NRXN3: variants seen among roughly 807,000 people sequenced by gnomAD.
NRXN3 encodes neurexin III.
NRXN3 carries 32 observed loss-of-function variants against 137.6 expected under a neutral mutation model. That is an observed-to-expected ratio of 0.23 (90% confidence interval 0.18 to 0.31). The LOEUF is 0.31. Ranked by LOEUF, NRXN3 falls within the 10% of genes least tolerant of loss-of-function variation. The probability of loss-of-function intolerance (pLI) is 1.00; values close to 1 mark genes in which losing one functional copy is unlikely to be tolerated. For synonymous variants in NRXN3, 798 were observed against 784.5 expected (o/e 1.02, Z -0.29); for missense variants, 1,574 against 2,062.5 (o/e 0.76, Z 4.59).
intron 15 of NRXN3, among the ~76,000 whole-genome samples, chr14:79,157,152 A>G (rs574394385): frequency 2.0e-5 from 3 of 151,776 alleles, no homozygotes; most frequent in Non-Finnish European, 4.4e-5. Context: ...CTGCTTAGAG[A>G]CAGGACATGC....
chr14:78,434,316 G>A (rs2093990126), intron 4 of NRXN3, among the ~76,000 whole-genome samples: 2 of 152,092 alleles, frequency 1.3e-5, no homozygotes, highest in Non-Finnish European at 2.9e-5. Context: ...TCTGTTCCAG[G>A]CCTCTCTTTG....
At chr14:78,324,388 A>G (rs1332703215) in intron 4 of NRXN3, among the ~76,000 whole-genome samples, 9 of 152,092 alleles carry the variant, frequency 5.9e-5, no homozygotes, top group Admixed American at 5.9e-4. Context: ...TGTTCTACCC[A>G]TGATCTGTTA....
chr14:78,737,200 C>T (rs905708827), intron 8 of NRXN3, among the ~76,000 whole-genome samples: 1 of 152,182 alleles, frequency 6.6e-6, no homozygotes, highest in African/African-American at 2.4e-5. Flanking sequence ...GATTAAGACA[C>T]ATACAAACAA....
intron 15 of NRXN3, among the ~76,000 whole-genome samples, chr14:79,059,414 C>A (rs1469460062): frequency 1.3e-5 from 2 of 152,012 alleles, no homozygotes; most frequent in Admixed American, 6.6e-5. Flanking sequence ...CCCGCCACCA[C>A]ACCCAGCTAA....
chr14:78,824,100 C>A (rs1174337683), intron 10 of NRXN3, among the ~76,000 whole-genome samples: 1 of 60,424 alleles, frequency 1.7e-5, no homozygotes, highest in Admixed American at 2.7e-4. Context: ...GGGTCACCTG[C>A]TTCTTTTTTT....
intron 15 of NRXN3, among the ~76,000 whole-genome samples, chr14:79,063,918 C>A (rs776433322): frequency 1.4e-4 from 21 of 151,990 alleles, no homozygotes; most frequent in Admixed American, 3.3e-4. Flanking sequence ...TGCATATGAT[C>A]TTTTTATCTT....
chr14:79,462,116 G>A (rs1333783951), intron 15 of NRXN3, among the ~76,000 whole-genome samples: 1 of 152,168 alleles, frequency 6.6e-6, no homozygotes, highest in Non-Finnish European at 1.5e-5. Context: ...GCTCATGCCT[G>A]TAATCCCAGC....
At chr14:79,473,052 A>T (rs751203127) in intron 16 of NRXN3, among the ~76,000 whole-genome samples, 31 of 152,256 alleles carry the variant, frequency 2.0e-4, no homozygotes, top group Non-Finnish European at 5.9e-5. Flanking sequence ...GTGAAAATTT[A>T]TGTGTTAAGA....
chr14:79,085,631 G>C (rs1228073025), intron 15 of NRXN3, among the ~76,000 whole-genome samples: 1 of 152,072 alleles, frequency 6.6e-6, no homozygotes, highest in East Asian at 1.9e-4. Flanking sequence ...TGGGCTTATG[G>C]AATGATTTTT....
chr14:79,007,881 G>A (rs980299018), intron 15 of NRXN3, among the ~76,000 whole-genome samples: 1 of 151,178 alleles, frequency 6.6e-6, no homozygotes, highest in Admixed American at 6.6e-5. Context: ...ATAAATCATG[G>A]TTATTTACCA....
intron 15 of NRXN3, among the ~76,000 whole-genome samples, chr14:79,333,601 G>T (rs1370881547): frequency 6.6e-6 from 1 of 152,132 alleles, no homozygotes; most frequent in East Asian, 1.9e-4. Context: ...CCTAATAAGA[G>T]TTAAGGATGG....
At chr14:79,329,772 T>G in intron 15 of NRXN3, among the ~76,000 whole-genome samples, 1 of 152,100 alleles carries the variant, frequency 6.6e-6, no homozygotes, top group East Asian at 1.9e-4. Context: ...TGGATTGGAC[T>G]GTTTGAATAT....
At chr14:79,419,292 A>C (rs2095541866) in intron 15 of NRXN3, among the ~76,000 whole-genome samples, 1 of 152,304 alleles carries the variant, frequency 6.6e-6, no homozygotes, top group East Asian at 1.9e-4. Flanking sequence ...TGACAGACAT[A>C]AGATTCAAAA....
At chr14:78,519,351 TC>T (rs1825974788) in intron 4 of NRXN3, among the ~76,000 whole-genome samples, 1 of 152,156 alleles carries the variant, frequency 6.6e-6, no homozygotes. Context: ...ACCAACCTGC[TC>T]CAGTCATCAT....
rs117366043 is a variant in NRXN3, at chr14:79,665,696, T to C, written c.3616+1747T>C. On this transcript the variant is annotated intron_variant, in intron 17 of 20. Coordinates refer to ENST00000335750, the MANE Select transcript of NRXN3 (RefSeq NM_001330195.2). The stretch of plus-strand genomic sequence containing the variant: ...ACTTGCCTTGAGCCAATATAGAATC[T>C]ACAAGTTTGCTGCCAGCAATGAGCA... 9.9e-3 allele frequency among the ~76,000 whole-genome samples: 1,511 copies of C among 152,254 alleles called. 9 individuals are homozygous for C. Among genetic ancestry groups the C allele is most frequent in the Non-Finnish European group, 0.018 (1,230 of 67,990 alleles).
chr14:79,724,129 T>C (rs1308325865), intron 19 of NRXN3, among the ~76,000 whole-genome samples: 2 of 152,180 alleles, frequency 1.3e-5, no homozygotes, highest in African/African-American at 4.8e-5. Flanking sequence ...ACTTCACATG[T>C]ACTCTTTAAA....
intron 4 of NRXN3, among the ~76,000 whole-genome samples, chr14:78,417,788 C>T (rs1251599362): frequency 6.6e-6 from 1 of 152,198 alleles, no homozygotes; most frequent in Non-Finnish European, 1.5e-5. Flanking sequence ...CAGAGTCTCA[C>T]TCTTGTCCCC....
Position 79,446,094 on chromosome 14 carries a change from T to A in NRXN3, c.3263-21127T>A, listed in dbSNP as rs114412932. Among the ~76,000 whole-genome samples, 722 of 152,256 alleles carry A rather than the reference T, an allele frequency of 4.7e-3. 7 individuals are homozygous for A. Among genetic ancestry groups the A allele is most frequent in the African/African-American group, 0.017 (701 of 41,532 alleles). On this transcript the variant is annotated intron_variant, in intron 15 of 20. Transcript: ENST00000335750. ...GGTCTCCAGCTTTATTGAGCTTACA[T>A]CTTATTGAGGAGAGGCAGACAAAAA...
intron 16 of NRXN3, among the ~76,000 whole-genome samples, chr14:79,558,315 C>G (rs1427942120): frequency 6.6e-6 from 1 of 152,140 alleles, no homozygotes; most frequent in Non-Finnish European, 1.5e-5. Context: ...TTTCAATGTA[C>G]TTCGTCCAGA....
Sources: allele counts gnomAD v4.1 joint callset (sites outside exome capture counted in the v4.1 genomes callset), GRCh38; gene constraint gnomAD v4.1.1; transcripts MANE v1.5; gene names NCBI Gene and HGNC (gene_info 2026-07-23, HGNC 2026-07-21).